NR5A2: variants seen among roughly 807,000 people sequenced by gnomAD.
The protein encoded by NR5A2 is nuclear receptor subfamily 5 group A member 2, also known as CYP7A promoter-binding factor.
NR5A2 carries 26 observed loss-of-function variants against 62.7 expected under a neutral mutation model. The ratio of observed to expected loss-of-function variants is 0.41; its 90% confidence interval spans 0.30 to 0.58. NR5A2 has a LOEUF of 0.58. Ranked by LOEUF, NR5A2 falls within the 20% of genes least tolerant of loss-of-function variation. The probability of loss-of-function intolerance (pLI) is 0.22; values close to 1 mark genes in which losing one functional copy is unlikely to be tolerated. For synonymous variants in NR5A2, 246 were observed against 241.7 expected (o/e 1.02, Z -0.16); for missense variants, 541 against 669.1 (o/e 0.81, Z 2.11).
intron 7 of NR5A2, among the ~76,000 whole-genome samples, chr1:200,145,707 A>G (rs1401615575): frequency 6.6e-6 from 1 of 152,142 alleles, no homozygotes; most frequent in Non-Finnish European, 1.5e-5. Flanking sequence ...AGCTCACTGC[A>G]GCCTTGAACC....
intron 5 of NR5A2, among the ~76,000 whole-genome samples, chr1:200,093,815 C>G (rs974254546): frequency 6.6e-6 from 1 of 152,118 alleles, no homozygotes; most frequent in Admixed American, 6.5e-5. Flanking sequence ...CCCAAACTTT[C>G]GCAAAATTGA....
At chr1:200,104,583 CAGAA>C (rs1310410148) in intron 5 of NR5A2, among the ~76,000 whole-genome samples, 1 of 151,364 alleles carries the variant, frequency 6.6e-6, no homozygotes, top group Admixed American at 6.6e-5. Context: ...TTCTTTTTGC[CAGAA>C]AGAAAAAAAG....
intron 2 of NR5A2, among the ~76,000 whole-genome samples, chr1:200,041,389 G>A (rs934904996): frequency 6.6e-6 from 1 of 152,178 alleles, no homozygotes; most frequent in African/African-American, 2.4e-5. Flanking sequence ...AAATCAGCAT[G>A]GGAAGCGCCG....
At chr1:200,108,577 G>A (rs1335977723) in intron 5 of NR5A2, among the ~76,000 whole-genome samples, 1 of 152,176 alleles carries the variant, frequency 6.6e-6, no homozygotes, top group African/African-American at 2.4e-5. Flanking sequence ...TTAGAAATTT[G>A]ATGCAACATT....
intron 5 of NR5A2, among the ~76,000 whole-genome samples, chr1:200,101,666 C>T (rs1448836186): frequency 6.6e-6 from 1 of 152,164 alleles, no homozygotes; most frequent in African/African-American, 2.4e-5. Flanking sequence ...AGTCCCATTA[C>T]CTGTTAGTGC....
chr1:200,090,783 G>A (rs1664777666), intron 5 of NR5A2, among the ~76,000 whole-genome samples: 1 of 152,156 alleles, frequency 6.6e-6, no homozygotes, highest in Non-Finnish European at 1.5e-5. Flanking sequence ...GCCAGTTTGA[G>A]GACAGCACAG....
chr1:200,161,344 T>C (rs754680978), intron 7 of NR5A2, among the ~76,000 whole-genome samples: 3 of 152,208 alleles, frequency 2.0e-5, no homozygotes, highest in Admixed American at 6.5e-5. Context: ...TCCGTATATT[T>C]TAATGTAGTT....
chr1:200,123,518 A>C (rs1426161517), intron 7 of NR5A2, among the ~76,000 whole-genome samples: 1 of 152,290 alleles, frequency 6.6e-6, no homozygotes, highest in East Asian at 1.9e-4. Flanking sequence ...AGTGCTTACT[A>C]TGTGTCCAGC....
At chr1:200,033,212 A>ACTC (rs1661608400) in intron 1 of NR5A2, among the ~76,000 whole-genome samples, 2 of 152,224 alleles carry the variant, frequency 1.3e-5, no homozygotes, top group Admixed American at 1.3e-4. Flanking sequence ...TATGGTAACA[A>ACTC]CTCGCAGGGT....
chr1:200,051,307 C>T (rs1008481738), intron 5 of NR5A2, among the ~76,000 whole-genome samples: 1 of 152,058 alleles, frequency 6.6e-6, no homozygotes, highest in Non-Finnish European at 1.5e-5. Flanking sequence ...GAAGTAAATA[C>T]AGCTAGCGGC....
chr1:200,043,656 A>T, intron 2 of NR5A2, 118 bp from the exon 3 acceptor site: 1 of 591,262 alleles, frequency 1.7e-6, no homozygotes. Flanking sequence ...AATTGTTTTT[A>T]TTTTATATTT....
rs930177243 is a variant in NR5A2, at chr1:200,113,363, A to C, written c.1230+2042A>C. Among the ~76,000 whole-genome samples the C allele has an allele frequency of 2.0e-5, 3 of 152,308 alleles. No homozygotes were observed. In the South Asian group the frequency reaches 6.2e-4, roughly 32 times the overall value. Reference sequence around the variant, plus strand: ...TCCAGTGGCTACCCTAGTAATGATTAATTGTAATCAGACATTCTCATTTAT... The same window carrying C: ...TCCAGTGGCTACCCTAGTAATGATTCATTGTAATCAGACATTCTCATTTAT... On this transcript the variant is annotated intron_variant, in intron 6 of 7. Transcript: ENST00000367362.
chr1:200,096,966 T>C (rs1665132160), intron 5 of NR5A2, among the ~76,000 whole-genome samples: 1 of 152,192 alleles, frequency 6.6e-6, no homozygotes, highest in African/African-American at 2.4e-5. Context: ...TAATGATGCA[T>C]TTCTCAGAAC....
intron 7 of NR5A2, among the ~76,000 whole-genome samples, chr1:200,164,736 T>C (rs541116245): frequency 1.1e-4 from 16 of 149,226 alleles, no homozygotes; most frequent in Non-Finnish European, 2.2e-4. Context: ...TTAGAAGAGA[T>C]GGAGTTTCTA....
chr1:200,111,896 T>C (rs1336315437), intron 6 of NR5A2, among the ~76,000 whole-genome samples: 1 of 152,144 alleles, frequency 6.6e-6, no homozygotes, highest in African/African-American at 2.4e-5. Flanking sequence ...CAACAAAAAT[T>C]TATTGAGCAT....
At chr1:200,065,918 G>T (rs1005835567) in intron 5 of NR5A2, among the ~76,000 whole-genome samples, 1 of 152,232 alleles carries the variant, frequency 6.6e-6, no homozygotes, top group East Asian at 1.9e-4. Flanking sequence ...ATAAAGGAAG[G>T]TCACTACCTA....
chr1:200,097,770 G>A (rs1020510269), intron 5 of NR5A2, among the ~76,000 whole-genome samples: 1 of 152,140 alleles, frequency 6.6e-6, no homozygotes, highest in Non-Finnish European at 1.5e-5. Flanking sequence ...TAGGCGGTGT[G>A]TATGTTGGGT....
At chr1:200,074,422 A>T (rs1447875912) in intron 5 of NR5A2, among the ~76,000 whole-genome samples, 1 of 151,710 alleles carries the variant, frequency 6.6e-6, no homozygotes, top group Non-Finnish European at 1.5e-5. Context: ...AAAAAGAAAA[A>T]AAAACAAGAA....
intron 5 of NR5A2, among the ~76,000 whole-genome samples, chr1:200,071,672 T>A (rs1323408528): frequency 1.3e-5 from 2 of 152,216 alleles, no homozygotes; most frequent in Non-Finnish European, 2.9e-5. Flanking sequence ...TCTAATTAAC[T>A]GCTAATTACT....
Sources: allele counts gnomAD v4.1 joint callset (sites outside exome capture counted in the v4.1 genomes callset), GRCh38; gene constraint gnomAD v4.1.1; transcripts MANE v1.5; gene names NCBI Gene and HGNC (gene_info 2026-07-23, HGNC 2026-07-21).